SLC12A3: variants seen among roughly 807,000 people sequenced by gnomAD.
The protein encoded by SLC12A3 is Na-Cl cotransporter.
In SLC12A3, 104 loss-of-function variants were observed where a neutral mutation model predicts 121.0. That is an observed-to-expected ratio of 0.86 (90% confidence interval 0.73 to 1.01). The LOEUF is 1.01. SLC12A3 is among the 50% of genes least tolerant of loss of function. SLC12A3 has a pLI of 0.00. For synonymous variants in SLC12A3, 536 were observed against 533.4 expected, an observed-to-expected ratio of 1.00 and a Z score of -0.07; for missense variants, 1,328 against 1,356.3, an observed-to-expected ratio of 0.98 and a Z score of 0.33.
rs913566261 is a variant in SLC12A3 at position 56,879,550 on chromosome 16, C to T, written c.1344C>T (p.Ser448=). The change falls in exon 11 of 26, where the codon AGC becomes AGT. Residue 448 remains serine, a synonymous_variant. Transcript: ENST00000563236. Reference sequence around the variant, plus strand: ...GCCCCAAATCCCCACAGACCATGAGCATGGTGTCAGGCTTCGCGCCCCTGA... The same window carrying T: ...GCCCCAAATCCCCACAGACCATGAGTATGGTGTCAGGCTTCGCGCCCCTGA... ...YGLINYYQTM[S]MVSGFAPLIT... is the part of the protein sequence containing the mutation. The T allele has an allele frequency of 1.2e-6, 2 of 1,613,292 alleles. No individual in the cohort carries two copies. The highest frequency in any genetic ancestry group is 1.7e-6 in the Non-Finnish European group (2 of 1,179,638).
chr16:56,866,154 T>G (rs1964350696), intron 1 of SLC12A3, among the ~76,000 whole-genome samples: 1 of 151,732 alleles, frequency 6.6e-6, no homozygotes, highest in Non-Finnish European at 1.5e-5. Flanking sequence ...CCCAGCTAAT[T>G]TTTGTATTTT....
At chr16:56,877,740 C>T (rs1382165755) in intron 8 of SLC12A3, among the ~76,000 whole-genome samples, 4 of 152,248 alleles carry the variant, frequency 2.6e-5, no homozygotes, top group Non-Finnish European at 5.9e-5. Flanking sequence ...CCTTACCACC[C>T]TCACAGCAAA....
At chr16:56,886,929 G>A (rs1461703195) in intron 16 of SLC12A3, 24 bp from the exon 17 acceptor site, 2 of 1,612,786 alleles carry the variant, frequency 1.2e-6, no homozygotes, top group African/African-American at 1.3e-5. Flanking sequence ...AGCTGGTGAT[G>A]TCCCCTGCCC....
chr16:56,885,398 C>T, intron 15 of SLC12A3, 34 bp downstream of exon 15: 1 of 1,353,774 alleles, frequency 7.4e-7, no homozygotes. Flanking sequence ...CCTGGGACCC[C>T]AGGGCCAGTG....
intron 13 of SLC12A3, 127 bp from the exon 14 acceptor site, chr16:56,883,922 G>A: frequency 1.0e-6 from 1 of 986,382 alleles, no homozygotes; most frequent in Non-Finnish European, 1.5e-6. Flanking sequence ...GCTCATGGCT[G>A]GTGGGTACAG....
intron 18 of SLC12A3, among the ~76,000 whole-genome samples, chr16:56,888,452 C>A (rs1290715045): frequency 6.6e-6 from 1 of 151,644 alleles, no homozygotes; most frequent in African/African-American, 2.4e-5. Context: ...GAGACTGTGG[C>A]AACCCAGAGA....
intron 22 of SLC12A3, among the ~76,000 whole-genome samples, chr16:56,899,181 A>G (rs935819883): frequency 6.6e-6 from 1 of 152,218 alleles, no homozygotes; most frequent in South Asian, 2.1e-4. Context: ...TGTAGTCAGT[A>G]GGTGCTCAGT....
At chr16:56,908,184 G>A (rs2055634679) in intron 25 of SLC12A3, among the ~76,000 whole-genome samples, 1 of 92,168 alleles carries the variant, frequency 1.1e-5, no homozygotes, top group African/African-American at 7.0e-5. Flanking sequence ...TTTTTTTGAG[G>A]CAGAGTCACT....
intron 8 of SLC12A3, among the ~76,000 whole-genome samples, chr16:56,877,867 C>T (rs1164935964): frequency 6.6e-6 from 1 of 152,198 alleles, no homozygotes; most frequent in Non-Finnish European, 1.5e-5. Flanking sequence ...TGTATTCATC[C>T]CTCTCTGGGG....
At chr16:56,883,284 T>C (rs2055265364) in intron 13 of SLC12A3, among the ~76,000 whole-genome samples, 1 of 147,798 alleles carries the variant, frequency 6.8e-6, no homozygotes, top group South Asian at 2.2e-4. Context: ...TCTTTCTTTT[T>C]TTTTTTTTTT....
chr16:56,884,550 G>T (rs1567436347), intron 14 of SLC12A3, among the ~76,000 whole-genome samples: 1 of 152,210 alleles, frequency 6.6e-6, no homozygotes, highest in Non-Finnish European at 1.5e-5. Flanking sequence ...CTCAGAGGTG[G>T]CTGAGGGCTG....
intron 15 of SLC12A3, among the ~76,000 whole-genome samples, chr16:56,885,937 C>A (rs1348061753): frequency 6.6e-6 from 1 of 152,156 alleles, no homozygotes; most frequent in Non-Finnish European, 1.5e-5. Context: ...GGCAAGTGGC[C>A]GATTAAGTCT....
chr16:56,881,444 T>TG (rs1555500452), intron 12 of SLC12A3, among the ~76,000 whole-genome samples: 1,527 of 150,246 alleles, frequency 0.01, 12 homozygotes, highest in African/African-American at 0.021. Flanking sequence ...TCCTTTCATC[T>TG]GGGGGGGGGT....
chr16:56,877,044 G>T (rs529717523), intron 8 of SLC12A3, among the ~76,000 whole-genome samples: 2 of 152,218 alleles, frequency 1.3e-5, no homozygotes. Context: ...TTGAGAAAGT[G>T]CCTAGAAGAG....
intron 25 of SLC12A3, among the ~76,000 whole-genome samples, 186 bp from the exon 26 acceptor site, chr16:56,913,078 G>A (rs1223331308): frequency 1.3e-5 from 2 of 152,190 alleles, no homozygotes; most frequent in Non-Finnish European, 2.9e-5. Flanking sequence ...GTTTAGAAAC[G>A]CTTCACGGCA....
At chr16:56,882,106 C>T (rs1300848931) in intron 12 of SLC12A3, among the ~76,000 whole-genome samples, 1 of 151,910 alleles carries the variant, frequency 6.6e-6, no homozygotes, top group African/African-American at 2.4e-5. Flanking sequence ...AACAGTGTGA[C>T]AGCCACTACC....
Position 56,904,389 on chromosome 16 carries a change from G to A in SLC12A3, c.2857-6G>A, listed in dbSNP as rs117981500. The A allele has an allele frequency of 8.4e-3, 13,622 of 1,613,494 alleles. 74 individuals carry two copies. Among genetic ancestry groups the A allele is most frequent in the Non-Finnish European group, 0.01 (12,317 of 1,179,470 alleles). ...GGAAGTGACCACTCGGCTTTCTCCC[G>A]CCCAGTCCCTTCGGCAGGTGAGGCT... On this transcript the variant is annotated splice_polypyrimidine_tract_variant and splice_region_variant and intron_variant, in intron 24 of 25. Transcript: ENST00000563236.
At chr16:56,907,445 T>TCCGTCTCAAAAAAAAAAAAAAAAAAA (rs1567449752) in intron 25 of SLC12A3, among the ~76,000 whole-genome samples, 116 of 150,620 alleles carry the variant, frequency 7.7e-4, no homozygotes, top group African/African-American at 2.7e-3. Context: ...ATGACAGAGC[T>TCCGTCTCAAAAAAAAAAAAAAAAAAA]AGAAATGTGC....
chr16:56,887,720 T>G (rs948825765), intron 17 of SLC12A3, among the ~76,000 whole-genome samples: 2 of 148,142 alleles, frequency 1.4e-5, no homozygotes, highest in South Asian at 4.3e-4. Flanking sequence ...CTCCCATCAG[T>G]CATCTTTCTC....
Sources: allele counts gnomAD v4.1 joint callset (sites outside exome capture counted in the v4.1 genomes callset), GRCh38; gene constraint gnomAD v4.1.1; transcripts MANE v1.5; gene names NCBI Gene and HGNC (gene_info 2026-07-23, HGNC 2026-07-21).